MYO3B: variants seen among roughly 807,000 people sequenced by gnomAD.
MYO3B encodes the protein myosin IIIB.
MYO3B carries 156 observed loss-of-function variants against 174.6 expected under a neutral mutation model. The ratio of observed to expected loss-of-function variants is 0.89; its 90% CI spans 0.78 to 1.02. The LOEUF is 1.02. Ranked by LOEUF, MYO3B falls within the 50% of genes least tolerant of loss-of-function variation. The pLI is 0.00. For synonymous variants in MYO3B, 563 were observed against 569.1 expected, an observed-to-expected ratio of 0.99 and a Z score of 0.15; for missense variants, 1,632 against 1,639.4, an observed-to-expected ratio of 1.00 and a Z score of 0.08.
chr2:170,510,201 T>C (rs1033013678), intron 28 of MYO3B, among the ~76,000 whole-genome samples: 4 of 152,142 alleles, frequency 2.6e-5, no homozygotes, highest in African/African-American at 9.7e-5. Context: ...GCAGCAAGAC[T>C]CTCCCCATCA....
At chr2:170,251,871 G>C (rs149781127) in intron 7 of MYO3B, among the ~76,000 whole-genome samples, 18 of 152,348 alleles carry the variant, frequency 1.2e-4, no homozygotes, top group African/African-American at 4.3e-4. Flanking sequence ...ACCATAAGCA[G>C]AGGAGGAAGC....
At chr2:170,445,279 A>G (rs1271900887) in intron 23 of MYO3B, among the ~76,000 whole-genome samples, 1 of 152,334 alleles carries the variant, frequency 6.6e-6, no homozygotes, top group East Asian at 1.9e-4. Context: ...TTTCTCCATG[A>G]GGCATATCAC....
At chr2:170,201,595 T>G (rs1268666615) in intron 3 of MYO3B, among the ~76,000 whole-genome samples, 2 of 142,068 alleles carry the variant, frequency 1.4e-5, no homozygotes, top group Non-Finnish European at 3.0e-5. Flanking sequence ...GTCACATCAG[T>G]TGCCTTCCTC....
intron 32 of MYO3B, among the ~76,000 whole-genome samples, chr2:170,641,994 T>C (rs1330906444): frequency 6.6e-6 from 1 of 152,028 alleles, no homozygotes; most frequent in Non-Finnish European, 1.5e-5. Context: ...AGGAACTTTG[T>C]TTTTAGAGAC....
chr2:170,641,856 A>AG (rs1237626160), intron 32 of MYO3B, among the ~76,000 whole-genome samples: 1 of 7,442 alleles, frequency 1.3e-4, no homozygotes, highest in African/African-American at 9.1e-4. Flanking sequence ...TTTATTGTTA[A>AG]GTGGGGGGGG....
chr2:170,391,814 A>G (rs1245680567), intron 15 of MYO3B, among the ~76,000 whole-genome samples, 196 bp downstream of exon 15: 1 of 151,786 alleles, frequency 6.6e-6, no homozygotes, highest in Non-Finnish European at 1.5e-5. Flanking sequence ...CACATGGTTT[A>G]TTTTTTTTCA....
intron 6 of MYO3B, among the ~76,000 whole-genome samples, chr2:170,220,623 C>T (rs7575801): frequency 0.51 from 58,522 of 115,648 alleles, 13,529 homozygotes; most frequent in Non-Finnish European, 0.56. Flanking sequence ...AGCCAGATTC[C>T]GTCTCAAAAA....
At chr2:170,639,218 G>GT (rs1697767621) in intron 32 of MYO3B, among the ~76,000 whole-genome samples, 2 of 152,130 alleles carry the variant, frequency 1.3e-5, no homozygotes, top group African/African-American at 2.4e-5. Flanking sequence ...AGTTCACTAG[G>GT]TGATTTGCAT....
chr2:170,635,957 G>A (rs1051506258), intron 32 of MYO3B, among the ~76,000 whole-genome samples: 5 of 152,134 alleles, frequency 3.3e-5, no homozygotes, highest in African/African-American at 1.2e-4. Flanking sequence ...AATTATTTAA[G>A]TTGTGTCAAA....
intron 7 of MYO3B, among the ~76,000 whole-genome samples, chr2:170,310,581 G>A (rs1397099625): frequency 7.3e-6 from 1 of 136,946 alleles, no homozygotes; most frequent in African/African-American, 2.6e-5. Flanking sequence ...GGAGAATCTC[G>A]CTTGAACCTG....
chr2:170,348,648 T>A (rs142519127), intron 8 of MYO3B: 7 of 152,204 alleles, frequency 4.6e-5, no homozygotes, highest in Non-Finnish European at 2.9e-5. Flanking sequence ...CATTTCCCCA[T>A]GTCATTCTCC....
In MYO3B at chr2:170,451,197, C is replaced by T. The variant is rs147872166; in HGVS notation, c.2730+7151C>T. On this transcript the variant is annotated intron_variant, in intron 23 of 34. Transcript: ENST00000408978. ...ACTCTTTTTCCAGTGGACTCAAGTA[C>T]ATGTTACACTATTAACTTTTTGCAT... Among the ~76,000 whole-genome samples, 235 of 152,354 alleles carry T rather than the reference C, an allele frequency of 1.5e-3. 2 individuals carry two copies. The highest frequency in any genetic ancestry group is 6.8e-3 in the Middle Eastern group (2 of 294).
chr2:170,604,745 A>G (rs1224117691), intron 32 of MYO3B, among the ~76,000 whole-genome samples: 1 of 152,236 alleles, frequency 6.6e-6, no homozygotes, highest in Non-Finnish European at 1.5e-5. Context: ...GAAATGTGGG[A>G]AAAGAAAGAA....
chr2:170,236,931 G>A (rs528185191), intron 7 of MYO3B, among the ~76,000 whole-genome samples: 1 of 152,308 alleles, frequency 6.6e-6, no homozygotes, highest in East Asian at 1.9e-4. Flanking sequence ...CAATCACACA[G>A]CTATCACAGC....
intron 1 of MYO3B, among the ~76,000 whole-genome samples, chr2:170,197,085 C>G (rs866263815): frequency 4.0e-5 from 6 of 151,852 alleles, no homozygotes; most frequent in Non-Finnish European, 7.4e-5. Flanking sequence ...TCCTGTGGCC[C>G]CACCCAGCAG....
intron 25 of MYO3B, among the ~76,000 whole-genome samples, chr2:170,475,780 A>G (rs370238396): frequency 6.6e-6 from 1 of 152,240 alleles, no homozygotes; most frequent in Non-Finnish European, 1.5e-5. Context: ...GACGAGGTCT[A>G]AAGCCTTTAG....
At chr2:170,435,656 CCTTAT>C (rs1433832905) in intron 22 of MYO3B, among the ~76,000 whole-genome samples, 33 of 152,262 alleles carry the variant, frequency 2.2e-4, no homozygotes, top group Admixed American at 5.9e-4. Flanking sequence ...ATTTACTGCT[CCTTAT>C]CTTTGTAGCT....
At chr2:170,611,036 G>T (rs1304862738) in intron 32 of MYO3B, among the ~76,000 whole-genome samples, 1 of 152,200 alleles carries the variant, frequency 6.6e-6, no homozygotes, top group Non-Finnish European at 1.5e-5. Context: ...TTTTCGGGAA[G>T]CAAGATAAGC....
At chr2:170,284,986 T>G (rs1318863200) in intron 7 of MYO3B, among the ~76,000 whole-genome samples, 1 of 152,262 alleles carries the variant, frequency 6.6e-6, no homozygotes, top group Admixed American at 6.5e-5. Flanking sequence ...ATCTTGCTTT[T>G]GAGTTGCTAA....
Sources: gnomAD v4.1 joint callset for allele counts (sites outside exome capture counted in the v4.1 genomes callset) on GRCh38, gnomAD v4.1.1 for gene constraint, MANE v1.5 for transcripts, NCBI Gene and HGNC (gene_info 2026-07-23, HGNC 2026-07-21) for gene names.